Variants in EHBP1 observed in about 807,000 individuals in gnomAD.
EHBP1 encodes the protein EH domain-binding protein 1.
A neutral mutation model predicts 144.0 loss-of-function variants in EHBP1; 55 were observed. That is an observed-to-expected ratio of 0.38 (90% CI 0.31 to 0.48). The LOEUF (loss-of-function observed/expected upper bound fraction) is 0.48. Among genes scored for constraint, EHBP1 ranks in the 20% least tolerant of loss-of-function variants. The pLI is 0.98. For synonymous variants in EHBP1, 469 were observed against 472.7 expected (o/e 0.99, Z 0.10); for missense variants, 1,200 against 1,364.2 (o/e 0.88, Z 1.90).
At chr2:62,837,474 A>C (rs1471632220) in intron 7 of EHBP1, among the ~76,000 whole-genome samples, 2 of 152,046 alleles carry the variant, frequency 1.3e-5, no homozygotes, top group Non-Finnish European at 2.9e-5. Context: ...GACAGGATCA[A>C]ATTCACACAT....
chr2:62,960,079 A>G (rs1213606036), intron 14 of EHBP1, among the ~76,000 whole-genome samples: 2 of 152,204 alleles, frequency 1.3e-5, no homozygotes, highest in South Asian at 2.1e-4. Flanking sequence ...GTCTACTTGT[A>G]AGAAATAAAG....
chr2:62,736,742 T>C (rs1189973550), intron 2 of EHBP1, among the ~76,000 whole-genome samples: 2 of 152,256 alleles, frequency 1.3e-5, no homozygotes, highest in African/African-American at 4.8e-5. Flanking sequence ...TGTTCTTGCA[T>C]GCCATATACT....
chr2:62,754,242 G>T (rs2040045781), intron 3 of EHBP1, among the ~76,000 whole-genome samples: 1 of 152,160 alleles, frequency 6.6e-6, no homozygotes, highest in African/African-American at 2.4e-5. Flanking sequence ...GTCTGTTGGA[G>T]TTTGCTGGAG....
At chr2:62,716,895 T>C (rs2035739239) in intron 2 of EHBP1, among the ~76,000 whole-genome samples, 1 of 152,220 alleles carries the variant, frequency 6.6e-6, no homozygotes, top group African/African-American at 2.4e-5. Flanking sequence ...CCTGCTACAA[T>C]TTATGATGTT....
intron 10 of EHBP1, among the ~76,000 whole-genome samples, chr2:62,927,732 G>A (rs186400309): frequency 1.3e-5 from 2 of 152,248 alleles, no homozygotes; most frequent in East Asian, 1.9e-4. Context: ...TAGGAAAGTA[G>A]AGGACTTGGA....
At chr2:62,854,436 C>T (rs995061224) in intron 7 of EHBP1, among the ~76,000 whole-genome samples, 2 of 152,204 alleles carry the variant, frequency 1.3e-5, no homozygotes, top group African/African-American at 4.8e-5. Context: ...CCTCACAAAA[C>T]TTAATCATTT....
intron 10 of EHBP1, among the ~76,000 whole-genome samples, chr2:62,906,507 G>A (rs568676781): frequency 4.6e-5 from 7 of 152,250 alleles, no homozygotes; most frequent in African/African-American, 9.6e-5. Flanking sequence ...TAGTATACAA[G>A]TATTACACAC....
intron 10 of EHBP1, among the ~76,000 whole-genome samples, chr2:62,927,601 C>T (rs1659410631): frequency 6.6e-6 from 1 of 151,910 alleles, no homozygotes; most frequent in African/African-American, 2.4e-5. Context: ...AATAACTGAC[C>T]ATCAAAATAT....
chr2:62,682,317 G>A (rs1353460027), intron 1 of EHBP1, among the ~76,000 whole-genome samples: 1 of 152,222 alleles, frequency 6.6e-6, no homozygotes, highest in East Asian at 1.9e-4. Flanking sequence ...GTCCTTCATT[G>A]TCAGTGGGAA....
Position 62,689,250 on chromosome 2 carries a change from A to C in EHBP1, c.-296+15167A>C, listed in dbSNP as rs2033821680. ...GAAACAAGAAATATCAGTATGTATA[A>C]CCTAAATAGAGAAAAAATCAAATAT... On this transcript the variant is annotated intron_variant, in intron 1 of 22. Coordinates refer to the EHBP1 transcript ENST00000405015. 2.0e-5 allele frequency among the ~76,000 whole-genome samples: 3 copies of C among 152,370 alleles called. No individual in the cohort carries two copies. The South Asian group carries it at 6.2e-4, about 32-fold the overall frequency.
intron 5 of EHBP1, among the ~76,000 whole-genome samples, chr2:62,783,015 G>C (rs923295671): frequency 6.6e-6 from 1 of 152,164 alleles, no homozygotes; most frequent in Non-Finnish European, 1.5e-5. Flanking sequence ...TGTGGGCGTT[G>C]GGTAAATACA....
chr2:62,962,758 ATGTT>A (rs1371596756), intron 14 of EHBP1, among the ~76,000 whole-genome samples: 1 of 152,234 alleles, frequency 6.6e-6, no homozygotes, highest in Non-Finnish European at 1.5e-5. Context: ...ATTTATAAAT[ATGTT>A]TGTTTTTGTT....
At chr2:62,897,976 G>T (rs2053079573) in intron 10 of EHBP1, among the ~76,000 whole-genome samples, 1 of 152,138 alleles carries the variant, frequency 6.6e-6, no homozygotes, top group Non-Finnish European at 1.5e-5. Context: ...ATTTTACAGA[G>T]TGAAAAATAA....
chr2:62,830,403 G>T (rs994482269), intron 6 of EHBP1, among the ~76,000 whole-genome samples: 1 of 152,038 alleles, frequency 6.6e-6, no homozygotes, highest in Non-Finnish European at 1.5e-5. Context: ...AAAGTGCTGG[G>T]ATTACAGGCA....
intron 19 of EHBP1, among the ~76,000 whole-genome samples, chr2:63,002,888 T>A (rs2059904017): frequency 1.3e-5 from 2 of 152,078 alleles, no homozygotes; most frequent in African/African-American, 4.8e-5. Flanking sequence ...ACTGAGTTAG[T>A]ACAAAATTCA....
At chr2:62,695,046 A>G (rs1349063675) in intron 1 of EHBP1, among the ~76,000 whole-genome samples, 1 of 152,176 alleles carries the variant, frequency 6.6e-6, no homozygotes, top group Non-Finnish European at 1.5e-5. Flanking sequence ...CACAGTCCTA[A>G]AGCAATTCAA....
chr2:62,680,928 T>G (rs879709316), intron 1 of EHBP1, among the ~76,000 whole-genome samples: 11 of 152,318 alleles, frequency 7.2e-5, no homozygotes, highest in Middle Eastern at 3.4e-3. Flanking sequence ...GTAGCTTTCC[T>G]ACCCTATCAT....
intron 19 of EHBP1, among the ~76,000 whole-genome samples, chr2:63,003,795 A>G (rs1315132042): frequency 6.6e-6 from 1 of 152,080 alleles, no homozygotes; most frequent in Non-Finnish European, 1.5e-5. Context: ...TAAACTTGTT[A>G]TGCCTTCACC....
intron 10 of EHBP1, chr2:62,939,926 G>C (rs1318391506): frequency 4.7e-6 from 1 of 215,018 alleles, no homozygotes; most frequent in Non-Finnish European, 9.6e-6. Flanking sequence ...ATGTAGGTTA[G>C]GAAACTGTAT....
Sources: allele counts gnomAD v4.1 joint callset (sites outside exome capture counted in the v4.1 genomes callset), GRCh38; gene constraint gnomAD v4.1.1; transcripts MANE v1.5; gene names NCBI Gene and HGNC (gene_info 2026-07-23, HGNC 2026-07-21).